The following TSPAN15 variants were observed in gnomAD, a reference collection of about 807,000 sequenced individuals.
The protein encoded by TSPAN15 is tetraspanin 15, also known as tetraspanin-15.
A neutral mutation model predicts 34.5 loss-of-function variants in TSPAN15; 20 were observed. That is an observed-to-expected ratio of 0.58 (90% confidence interval 0.41 to 0.84). The LOEUF is 0.84. Ranked by LOEUF, TSPAN15 falls within the 40% of genes least tolerant of loss-of-function variation. TSPAN15 has a pLI of 0.00. For missense variants in TSPAN15, 313 were observed against 386.1 expected, an observed-to-expected ratio of 0.81 and a Z score of 1.59; for synonymous variants, 155 against 153.9, an observed-to-expected ratio of 1.01 and a Z score of -0.05.
At chr10:69,487,474 T>C (rs1288727334) in intron 3 of TSPAN15, among the ~76,000 whole-genome samples, 1 of 151,936 alleles carries the variant, frequency 6.6e-6, no homozygotes, top group Non-Finnish European at 1.5e-5. Flanking sequence ...GAGAGATCTT[T>C]ATTCCATTTG....
chr10:69,473,096 C>T (rs973466739), intron 1 of TSPAN15, among the ~76,000 whole-genome samples: 1 of 152,188 alleles, frequency 6.6e-6, no homozygotes, highest in Non-Finnish European at 1.5e-5. Flanking sequence ...TATAGATATT[C>T]AGAAGTGGAG....
At chr10:69,473,904 A>G (rs1399731999) in intron 1 of TSPAN15, among the ~76,000 whole-genome samples, 2 of 152,152 alleles carry the variant, frequency 1.3e-5, no homozygotes, top group South Asian at 2.1e-4. Flanking sequence ...ATTCCATGCA[A>G]AGGGGGAAAG....
chr10:69,453,185 T>C lies in TSPAN15; in HGVS notation c.96+1495T>C, dbSNP rs191715674. On this transcript the variant is annotated intron_variant, in intron 1 of 7. Transcript: ENST00000373290. ...GGAGCAAGGACCTGTTGGTGGAAGC[T>C]CTAGGGAGACAGAAGGTCATATGTG... Among the ~76,000 whole-genome samples the C allele has an allele frequency of 3.4e-4, 52 of 152,150 alleles. No individual in the cohort carries two copies. In the East Asian group the frequency reaches 7.7e-3, roughly 23 times the overall value.
rs189191411 is a variant in TSPAN15 at position 69,505,463 on chromosome 10, C to A, written c.619-661C>A. On this transcript the variant is annotated intron_variant, in intron 6 of 7. Coordinates refer to ENST00000373290, the MANE Select transcript of TSPAN15 (RefSeq NM_012339.5). ...TGGCATGGTTTTTAAAAACGGTGAA[C>A]AATTCTTGATAAAGTTCTGAATTAA... is the stretch of plus-strand genomic sequence containing the variant. Among the ~76,000 whole-genome samples the A allele has an allele frequency of 2.0e-3, 298 of 152,156 alleles. 1 individual carries two copies. Among genetic ancestry groups the A allele is most frequent in the African/African-American group, 7.0e-3 (291 of 41,524 alleles).
At chr10:69,539,536 AAGG>A in the TSPAN15 span, among the ~76,000 whole-genome samples, 7,033 of 70,224 alleles carry the variant, frequency 0.1, 591 homozygotes, top group Middle Eastern at 0.15. Flanking sequence ...GAAGAAGAAG[AAGG>A]AGAAGGAGAA....
At position 69,483,891 on chromosome 10, in the gene TSPAN15, C is replaced by T. The variant is rs2133112661; in HGVS notation, c.282+15C>T. On this transcript the variant is annotated intron_variant, in intron 2 of 7. Coordinates refer to ENST00000373290, the MANE Select transcript of TSPAN15 (RefSeq NM_012339.5). ...TTCTCCAAGCAGTGAGTGGACCACACCACCCCTCAGCCGGGACTCCCCAGG... is the reference window on the plus strand; with the variant it reads ...TTCTCCAAGCAGTGAGTGGACCACATCACCCCTCAGCCGGGACTCCCCAGG... 3 of 1,608,730 alleles carry T rather than the reference C, an allele frequency of 1.9e-6. No homozygotes were observed. Among genetic ancestry groups the T allele is most frequent in the East Asian group, 2.2e-5 (1 of 44,760 alleles).
the TSPAN15 span, among the ~76,000 whole-genome samples, chr10:69,545,864 G>A: frequency 7.2e-5 from 11 of 152,172 alleles, no homozygotes; most frequent in Admixed American, 2.0e-4. Flanking sequence ...GCTGAGGCAG[G>A]AGAATTTCTT....
chr10:69,517,504 G>C, the TSPAN15 span, among the ~76,000 whole-genome samples: 2 of 152,194 alleles, frequency 1.3e-5, no homozygotes, highest in Non-Finnish European at 2.9e-5. Context: ...GGGCCCCTCA[G>C]CATCATCTGG....
At position 69,475,693 on chromosome 10, in the gene TSPAN15, C is replaced by A. The variant is rs1169518458; in HGVS notation, c.97-7998C>A. The stretch of plus-strand genomic sequence containing the variant: ...CTGTGTGCCTGTGGGAGTCTTAAAT[C>A]AAGTATCTGCAACTATTGCCAACAG... On this transcript the variant is annotated intron_variant, in intron 1 of 7. Coordinates refer to ENST00000373290, the MANE Select transcript of TSPAN15 (RefSeq NM_012339.5). Among the ~76,000 whole-genome samples, 4 of 152,280 alleles carry A rather than the reference C, an allele frequency of 2.6e-5. No individual in the cohort carries two copies. The East Asian group carries it at 7.7e-4, about 29-fold the overall frequency.
chr10:69,485,875 A>G (rs2133117294), intron 3 of TSPAN15, among the ~76,000 whole-genome samples: 1 of 152,274 alleles, frequency 6.6e-6, no homozygotes, highest in Middle Eastern at 3.4e-3. Flanking sequence ...TGGAGGCAGT[A>G]CCATCAGAGG....
chr10:69,539,452 AAGAAGAAGAAGGAGAAGG>A, the TSPAN15 span, among the ~76,000 whole-genome samples: 18 of 55,902 alleles, frequency 3.2e-4, 1 homozygote, highest in South Asian at 7.5e-4. Context: ...GAAGAAGAAG[AAGAAGAAGAAGGAGAAGG>A]AGAAGGAGAA....
Position 69,498,352 on chromosome 10 carries a change from C to T in TSPAN15, c.526C>T (p.Pro176Ser), listed in dbSNP as rs376917477. 1 of 1,613,982 alleles carries T rather than the reference C, an allele frequency of 6.2e-7. No individual in the cohort carries two copies. Among genetic ancestry groups the T allele is most frequent in the South Asian group, 1.1e-5 (1 of 91,052 alleles). The change falls in exon 5 of 8, where the codon CCC becomes TCC. Residue 176 changes from proline (P) to serine (S), a missense_variant. By Grantham distance (74) the Pro-to-Ser change is moderately conservative. Transcript: ENST00000373290. ...GTACCACGACTGCAGTGCCCCTGGA[C>T]CCCTGGCCTGTGGGGTGCCCTACAC... ...NQYHDCSAPGPLACGVPYTCC... is the reference protein window; with the variant it reads ...NQYHDCSAPGSLACGVPYTCC...
At chr10:69,483,561 C>A in intron 1 of TSPAN15, 130 bp from the exon 2 acceptor site, 2 of 959,620 alleles carry the variant, frequency 2.1e-6, no homozygotes, top group Non-Finnish European at 3.0e-6. Context: ...CAGCCGCTAA[C>A]AGGGCCCTTT....
chr10:69,453,393 C>G (rs930118062), intron 1 of TSPAN15, among the ~76,000 whole-genome samples: 24 of 152,166 alleles, frequency 1.6e-4, no homozygotes, highest in Admixed American at 1.5e-3. Context: ...CATAGGTCCC[C>G]TAAGTCCCCA....
At chr10:69,524,763 G>T in the TSPAN15 span, among the ~76,000 whole-genome samples, 1 of 136,504 alleles carries the variant, frequency 7.3e-6, no homozygotes. Flanking sequence ...AAAATAACAA[G>T]ATTATATATA....
chr10:69,486,923 C>A (rs554883333), intron 3 of TSPAN15, among the ~76,000 whole-genome samples: 5 of 152,356 alleles, frequency 3.3e-5, no homozygotes, highest in Non-Finnish European at 7.3e-5. Flanking sequence ...CCTCCCTTTG[C>A]CTCTTTTCTG....
chr10:69,472,783 T>C (rs1169327142), intron 1 of TSPAN15, among the ~76,000 whole-genome samples: 2 of 152,216 alleles, frequency 1.3e-5, no homozygotes, highest in Admixed American at 1.3e-4. Flanking sequence ...CTTCAGGATA[T>C]TGTGGTTTGT....
At chr10:69,517,243 C>T in the TSPAN15 span, among the ~76,000 whole-genome samples, 1 of 152,194 alleles carries the variant, frequency 6.6e-6, no homozygotes, top group African/African-American at 2.4e-5. Flanking sequence ...CCAGGGCTGC[C>T]CCCAGCCCCA....
chr10:69,463,573 G>C (rs1841316771), intron 1 of TSPAN15, among the ~76,000 whole-genome samples: 1 of 152,212 alleles, frequency 6.6e-6, no homozygotes. Flanking sequence ...ACTTTGGGAG[G>C]CTGAGGCAGG....
Sources: allele counts gnomAD v4.1 joint callset (sites outside exome capture counted in the v4.1 genomes callset), GRCh38; gene constraint gnomAD v4.1.1; transcripts MANE v1.5; gene names NCBI Gene and HGNC (gene_info 2026-07-23, HGNC 2026-07-21).